Variants in CAST observed in about 807,000 individuals in gnomAD.
CAST encodes calpastatin, also known as MIR583 host.
CAST carries 76 observed loss-of-function variants against 119.6 expected under a neutral mutation model. That is an observed-to-expected ratio of 0.64 (90% CI 0.53 to 0.77). CAST has a LOEUF of 0.77. CAST is among the 30% of genes least tolerant of loss of function. The probability of loss-of-function intolerance (pLI) is 0.00; values close to 1 mark genes in which losing one functional copy is unlikely to be tolerated. For synonymous variants in CAST, 319 were observed against 331.6 expected (o/e 0.96, Z 0.41); for missense variants, 953 against 946.5 (o/e 1.01, Z -0.09).
chr5:96,555,303 C>A (rs892381021), intron 1 of CAST, among the ~76,000 whole-genome samples: 3 of 152,198 alleles, frequency 2.0e-5, no homozygotes, highest in African/African-American at 7.2e-5. Flanking sequence ...GCATGAGCGA[C>A]ACAGAAGATG....
At chr5:96,728,429 C>G (rs1239219870) in intron 6 of CAST, 4 of 151,636 alleles carry the variant, frequency 2.6e-5, no homozygotes, top group African/African-American at 7.3e-5. Context: ...GTAAGATCTT[C>G]TCTACTAACA....
chr5:96,665,739 CACAT>C (rs978314036), intron 1 of CAST, among the ~76,000 whole-genome samples: 3 of 149,638 alleles, frequency 2.0e-5, no homozygotes, highest in Non-Finnish European at 4.5e-5. Context: ...CACACACACA[CACAT>C]ACACACACAC....
chr5:96,350,335 T>A, the CAST span, among the ~76,000 whole-genome samples: 1 of 152,136 alleles, frequency 6.6e-6, no homozygotes, highest in Non-Finnish European at 1.5e-5. Context: ...AGAGGAATAG[T>A]CACTTATGCC....
chr5:96,412,260 C>T, the CAST span: 1 of 727,796 alleles, frequency 1.4e-6, no homozygotes, highest in Non-Finnish European at 2.0e-6. Context: ...TTCTTTCCTT[C>T]TCCTCATATC....
intron 1 of CAST, among the ~76,000 whole-genome samples, chr5:96,587,189 C>T (rs1456783660): frequency 6.6e-6 from 1 of 152,178 alleles, no homozygotes; most frequent in Non-Finnish European, 1.5e-5. Context: ...AAGGTTTGTA[C>T]AGCACATTTT....
chr5:96,068,830 CAT>C, the CAST span, among the ~76,000 whole-genome samples: 2 of 150,528 alleles, frequency 1.3e-5, no homozygotes, highest in African/African-American at 4.9e-5. Flanking sequence ...TACACACACA[CAT>C]ATGTATATAT....
chr5:96,406,102 C>A, the CAST span, among the ~76,000 whole-genome samples: 1 of 152,242 alleles, frequency 6.6e-6, no homozygotes, highest in South Asian at 2.1e-4. Context: ...CCTATGCAGG[C>A]TGACATTTTC....
the CAST span, among the ~76,000 whole-genome samples, chr5:96,112,158 TATTC>T: frequency 6.6e-6 from 1 of 151,974 alleles, no homozygotes; most frequent in African/African-American, 2.4e-5. Context: ...CAATTATTAA[TATTC>T]AATCAATAAT....
At chr5:96,438,594 A>G in the CAST span, among the ~76,000 whole-genome samples, 1 of 152,086 alleles carries the variant, frequency 6.6e-6, no homozygotes, top group Non-Finnish European at 1.5e-5. Flanking sequence ...TTTTCTAATG[A>G]TTAGGCTGGG....
At chr5:96,358,462 G>A in the CAST span, among the ~76,000 whole-genome samples, 1 of 152,052 alleles carries the variant, frequency 6.6e-6, no homozygotes, top group Non-Finnish European at 1.5e-5. Context: ...TCTCTTGTGG[G>A]CATTTAGTGC....
the CAST span, among the ~76,000 whole-genome samples, chr5:96,397,913 TATTTA>T: frequency 1.3e-5 from 2 of 151,932 alleles, no homozygotes; most frequent in Non-Finnish European, 2.9e-5. Flanking sequence ...TAAAAATTAT[TATTTA>T]ATTTATTATG....
the CAST span, among the ~76,000 whole-genome samples, chr5:96,492,212 C>T: frequency 1.3e-5 from 2 of 152,222 alleles, no homozygotes; most frequent in Non-Finnish European, 2.9e-5. Context: ...GCCACTTACC[C>T]TCGTTTGAGG....
intron 2 of CAST, among the ~76,000 whole-genome samples, chr5:96,688,716 T>C (rs1030674616): frequency 6.6e-6 from 1 of 152,246 alleles, no homozygotes; most frequent in Non-Finnish European, 1.5e-5. Context: ...TTGTCTTGGA[T>C]GACAGGATTT....
chr5:96,130,021 CTT>C, the CAST span, among the ~76,000 whole-genome samples: 3 of 129,502 alleles, frequency 2.3e-5, no homozygotes, highest in Non-Finnish European at 3.2e-5. Flanking sequence ...AACACACACA[CTT>C]TTTTTTTTTT....
At chr5:96,457,013 G>A in the CAST span, among the ~76,000 whole-genome samples, 1 of 152,172 alleles carries the variant, frequency 6.6e-6, no homozygotes, top group Admixed American at 6.5e-5. Flanking sequence ...GTGGAACTGT[G>A]AGTCAGTTAA....
At chr5:96,250,335 C>A in the CAST span, among the ~76,000 whole-genome samples, 1 of 152,120 alleles carries the variant, frequency 6.6e-6, no homozygotes, top group Non-Finnish European at 1.5e-5. Flanking sequence ...TTCATCAGGG[C>A]CCCAGGACCT....
intron 1 of CAST, among the ~76,000 whole-genome samples, chr5:96,615,873 T>G (rs1453714311): frequency 6.6e-6 from 1 of 151,996 alleles, no homozygotes; most frequent in Non-Finnish European, 1.5e-5. Flanking sequence ...ACTCACATGG[T>G]CACAAGGTCC....
rs78582931 is a variant in CAST at position 96,753,491 on chromosome 5, A to G, written c.1525-569A>G. On this transcript the variant is annotated intron_variant, in intron 20 of 31. Coordinates refer to ENST00000675179, the MANE Select transcript of CAST (RefSeq NM_001750.7). ...GGGGGAGTACATTTCATTTTGAACA[A>G]TCGGACCACAGGTAGACAGTTCTCA... 2.5e-3 allele frequency among the ~76,000 whole-genome samples: 378 copies of G among 152,316 alleles called. 2 individuals are homozygous for G. The highest frequency in any genetic ancestry group is 8.8e-3 in the African/African-American group (367 of 41,558).
At chr5:96,229,467 C>T in the CAST span, among the ~76,000 whole-genome samples, 1 of 151,922 alleles carries the variant, frequency 6.6e-6, no homozygotes, top group Non-Finnish European at 1.5e-5. Flanking sequence ...GCAGTGGCAG[C>T]ACCATAAAGA....
Sources: gnomAD v4.1 joint callset for allele counts (sites outside exome capture counted in the v4.1 genomes callset) on GRCh38, gnomAD v4.1.1 for gene constraint, MANE v1.5 for transcripts, NCBI Gene and HGNC (gene_info 2026-07-23, HGNC 2026-07-21) for gene names.